DPYD: variants seen among roughly 807,000 people sequenced by gnomAD.
DPYD encodes the protein dihydropyrimidine dehydrogenase, also known as dihydropyrimidine dehydrogenase [NADP(+)].
Under a neutral mutation model 116.2 loss-of-function variants are expected in DPYD, and 109 were observed. The ratio of observed to expected loss-of-function variants is 0.94; its 90% CI spans 0.80 to 1.10. DPYD has a LOEUF of 1.10. Among genes scored for constraint, DPYD ranks in the 50% least tolerant of loss-of-function variants. The pLI is 0.00. For synonymous variants in DPYD, 440 were observed against 432.0 expected, an observed-to-expected ratio of 1.02 and a Z score of -0.23; for missense variants, 1,302 against 1,254.5, an observed-to-expected ratio of 1.04 and a Z score of -0.57.
Position 97,903,091 on chromosome 1 carries a change from C to T in DPYD, c.39+17793G>A, listed in dbSNP as rs150836920. On this transcript the variant is annotated intron_variant, in intron 1 of 22. Transcript: ENST00000370192. ...TCTGTGATGGAAATTAATAAGTTTG[C>T]CACTTAATTACAAACAGTGTGGGTT... is the stretch of plus-strand genomic sequence containing the variant. 8.0e-4 allele frequency among the ~76,000 whole-genome samples: 122 copies of T among 151,934 alleles called. 1 individual carries two copies. The East Asian group carries it at 0.021, about 27-fold the overall frequency.
intron 20 of DPYD, among the ~76,000 whole-genome samples, chr1:97,179,638 G>A (rs750434499): frequency 2.4e-4 from 37 of 152,104 alleles, no homozygotes; most frequent in Non-Finnish European, 5.0e-4. Flanking sequence ...GGCACTTCCA[G>A]TCTATAAGGC....
intron 3 of DPYD, among the ~76,000 whole-genome samples, chr1:97,824,707 TCA>T (rs1274125284): frequency 6.6e-6 from 1 of 152,216 alleles, no homozygotes; most frequent in Non-Finnish European, 1.5e-5. Flanking sequence ...ACATTATATT[TCA>T]GTCTAGTCTT....
chr1:97,428,496 G>C (rs1674998626), intron 14 of DPYD, among the ~76,000 whole-genome samples: 1 of 152,050 alleles, frequency 6.6e-6, no homozygotes. Flanking sequence ...TAGTAAGATG[G>C]AAGCAATAGA....
chr1:97,179,042 A>G (rs539653482), intron 20 of DPYD, among the ~76,000 whole-genome samples: 6 of 152,300 alleles, frequency 3.9e-5, no homozygotes, highest in Non-Finnish European at 7.3e-5. Context: ...CATTGACTAA[A>G]GTAAGTCGCT....
At chr1:97,081,717 C>CTTTTTTTTTT (rs371355751) in intron 22 of DPYD, among the ~76,000 whole-genome samples, 13 of 136,446 alleles carry the variant, frequency 9.5e-5, no homozygotes, top group East Asian at 2.2e-4. Context: ...CTTTTCTTTT[C>CTTTTTTTTTT]TTTTTTTTTT....
intron 20 of DPYD, among the ~76,000 whole-genome samples, chr1:97,110,932 C>T (rs1651546327): frequency 6.6e-6 from 1 of 152,018 alleles, no homozygotes; most frequent in Admixed American, 6.6e-5. Flanking sequence ...ACTTCATAGG[C>T]TGAGGCGGGA....
At chr1:97,162,341 C>A (rs947036095) in intron 20 of DPYD, among the ~76,000 whole-genome samples, 8 of 152,046 alleles carry the variant, frequency 5.3e-5, no homozygotes, top group Admixed American at 1.3e-4. Context: ...CAATAACAGA[C>A]AAACAGAGAG....
At chr1:97,499,273 T>C (rs925898215) in intron 13 of DPYD, among the ~76,000 whole-genome samples, 1 of 151,792 alleles carries the variant, frequency 6.6e-6, no homozygotes, top group Admixed American at 6.6e-5. Context: ...GAATAATTTG[T>C]TTATGAAGTC....
intron 20 of DPYD, among the ~76,000 whole-genome samples, chr1:97,105,162 G>A (rs946456943): frequency 6.6e-6 from 1 of 152,050 alleles, no homozygotes; most frequent in African/African-American, 2.4e-5. Flanking sequence ...ATACCTCTAG[G>A]TTGGGATTTA....
At chr1:97,150,491 G>C (rs1184257235) in intron 20 of DPYD, among the ~76,000 whole-genome samples, 1 of 152,102 alleles carries the variant, frequency 6.6e-6, no homozygotes, top group Non-Finnish European at 1.5e-5. Flanking sequence ...TTATTTTCAC[G>C]TAGGTAAAAT....
chr1:97,629,691 AC>A (rs1035792223), intron 8 of DPYD, among the ~76,000 whole-genome samples: 32 of 152,164 alleles, frequency 2.1e-4, no homozygotes, highest in Non-Finnish European at 2.8e-4. Flanking sequence ...ACAAAAAAAA[AC>A]AAACAAAAAC....
intron 8 of DPYD, among the ~76,000 whole-genome samples, chr1:97,678,850 A>G (rs1372050593): frequency 6.6e-6 from 1 of 152,134 alleles, no homozygotes. Flanking sequence ...CTCACTGGTG[A>G]TGATGGTGTG....
intron 19 of DPYD, among the ~76,000 whole-genome samples, chr1:97,216,737 G>C (rs1215622386): frequency 2.0e-5 from 3 of 152,194 alleles, no homozygotes; most frequent in Non-Finnish European, 4.4e-5. Context: ...AGAGGTTGCA[G>C]TGACTTGAGA....
chr1:97,477,331 G>C (rs1048634561), intron 13 of DPYD, among the ~76,000 whole-genome samples: 17 of 152,284 alleles, frequency 1.1e-4, no homozygotes, highest in African/African-American at 3.9e-4. Context: ...TTTATCATGA[G>C]ATTGCAGGAA....
rs180983419 is a variant in DPYD at position 97,431,667 on chromosome 1, A to C, written c.1905+18392T>G. Among the ~76,000 whole-genome samples, 45 of 152,282 alleles carry C rather than the reference A, an allele frequency of 3.0e-4. No individual in the cohort carries two copies. The East Asian group carries it at 7.7e-3, about 26-fold the overall frequency. On this transcript the variant is annotated intron_variant, in intron 14 of 22. Coordinates refer to ENST00000370192, the MANE Select transcript of DPYD (RefSeq NM_000110.4). ...ATGATCAAATCAGGGTAATTAGGAT[A>C]TCCATCACCTCAAACATTTATCATT...
intron 14 of DPYD, among the ~76,000 whole-genome samples, chr1:97,419,442 A>C (rs1338809014): frequency 6.6e-6 from 1 of 152,174 alleles, no homozygotes; most frequent in East Asian, 1.9e-4. Context: ...ATTATAATAC[A>C]TTATGATTTT....
intron 20 of DPYD, among the ~76,000 whole-genome samples, chr1:97,135,486 C>T (rs1328814458): frequency 6.6e-6 from 1 of 152,070 alleles, no homozygotes; most frequent in Non-Finnish European, 1.5e-5. Flanking sequence ...TCTTTTGTTT[C>T]CCATACAAGC....
chr1:97,342,036 A>C (rs2101237072), intron 16 of DPYD, among the ~76,000 whole-genome samples: 1 of 152,330 alleles, frequency 6.6e-6, no homozygotes, highest in South Asian at 2.1e-4. Flanking sequence ...GAGAAGAAAT[A>C]AACTGGGGAA....
rs141282038 is a variant in DPYD at position 97,636,070 on chromosome 1, C to T, written c.851-40904G>A. On this transcript the variant is annotated intron_variant, in intron 8 of 22. Coordinates refer to ENST00000370192, the MANE Select transcript of DPYD (RefSeq NM_000110.4). ...TCCTGGACTCAAGCTATCCACCCAC[C>T]TTGGCCTCCCAAAGTGCTGGGATTA... Among the ~76,000 whole-genome samples the T allele has an allele frequency of 6.3e-4, 96 of 152,210 alleles. 3 individuals carry two copies. In the East Asian group the frequency reaches 0.017, roughly 27 times the overall value.
Sources: gnomAD v4.1 joint callset for allele counts (sites outside exome capture counted in the v4.1 genomes callset) on GRCh38, gnomAD v4.1.1 for gene constraint, MANE v1.5 for transcripts, NCBI Gene and HGNC (gene_info 2026-07-23, HGNC 2026-07-21) for gene names.